The following GABBR2 variants were observed in gnomAD, a reference collection of about 807,000 sequenced individuals.
GABBR2 encodes the protein gamma-aminobutyric acid type B receptor subunit 2, also known as G-protein coupled receptor 51.
In GABBR2, 23 loss-of-function variants were observed where a neutral mutation model predicts 105.6. That is an observed-to-expected ratio of 0.22 (90% CI 0.16 to 0.31). The LOEUF is 0.31. Among genes scored for constraint, GABBR2 ranks in the 10% least tolerant of loss-of-function variants. GABBR2 has a pLI of 1.00. For missense variants in GABBR2, 734 were observed against 1,245.5 expected (o/e 0.59, Z 6.18); for synonymous variants, 478 against 499.7 (o/e 0.96, Z 0.58).
intron 13 of GABBR2, among the ~76,000 whole-genome samples, chr9:98,343,075 C>CAA (rs1831242896): frequency 6.6e-6 from 1 of 152,304 alleles, no homozygotes; most frequent in Admixed American, 6.5e-5. Flanking sequence ...GGCTCAAAGC[C>CAA]AAGTGTAGTT....
At chr9:98,384,952 A>G (rs913570100) in intron 11 of GABBR2, among the ~76,000 whole-genome samples, 2 of 152,230 alleles carry the variant, frequency 1.3e-5, no homozygotes, top group African/African-American at 4.8e-5. Context: ...ACCGTTGAAG[A>G]AAACACCACT....
At chr9:98,435,341 A>C (rs940801700) in intron 7 of GABBR2, among the ~76,000 whole-genome samples, 1 of 152,216 alleles carries the variant, frequency 6.6e-6, no homozygotes, top group African/African-American at 2.4e-5. Context: ...TCAGTTCAAA[A>C]TGGAAAGTAA....
At chr9:98,431,637 C>A (rs1337951609) in intron 7 of GABBR2, among the ~76,000 whole-genome samples, 1 of 151,764 alleles carries the variant, frequency 6.6e-6, no homozygotes, top group Non-Finnish European at 1.5e-5. Flanking sequence ...CCTAAAATGC[C>A]AGGCTATATC....
At chr9:98,469,761 C>T (rs1222697212) in intron 6 of GABBR2, among the ~76,000 whole-genome samples, 1 of 152,180 alleles carries the variant, frequency 6.6e-6, no homozygotes, top group African/African-American at 2.4e-5. Flanking sequence ...ATGTCCCTTC[C>T]CCTCTCTGGC....
chr9:98,349,377 T>C (rs1464561072), intron 13 of GABBR2, among the ~76,000 whole-genome samples: 20 of 123,424 alleles, frequency 1.6e-4, no homozygotes, highest in Non-Finnish European at 2.9e-4. Context: ...TTTTTTTTTT[T>C]TTCGGGACAG....
chr9:98,523,908 C>G (rs1367036199), intron 3 of GABBR2, among the ~76,000 whole-genome samples: 1 of 151,968 alleles, frequency 6.6e-6, no homozygotes, highest in Non-Finnish European at 1.5e-5. Context: ...ATTTCTTTCC[C>G]ACAGAATTTA....
At chr9:98,292,354 C>T (rs7357704) in intron 18 of GABBR2, among the ~76,000 whole-genome samples, 61,038 of 152,084 alleles carry the variant, frequency 0.4, 13,212 homozygotes, top group African/African-American at 0.56. Flanking sequence ...ACTGGGGAAG[C>T]TGGAATTCTT....
chr9:98,665,983 G>C (rs1009261820), intron 1 of GABBR2, among the ~76,000 whole-genome samples: 1 of 152,234 alleles, frequency 6.6e-6, no homozygotes, highest in Admixed American at 6.5e-5. Context: ...CAGCACCACT[G>C]TCTGTCTGGG....
chr9:98,587,791 A>C (rs996814755), intron 1 of GABBR2, among the ~76,000 whole-genome samples: 1 of 152,210 alleles, frequency 6.6e-6, no homozygotes. Context: ...GACATTTTGG[A>C]AACAAATATT....
At chr9:98,365,155 C>T (rs659768) in intron 12 of GABBR2, among the ~76,000 whole-genome samples, 49,973 of 152,052 alleles carry the variant, frequency 0.33, 9,434 homozygotes, top group African/African-American at 0.52. Flanking sequence ...TCTTGTCAAG[C>T]GTGATCTTGA....
chr9:98,674,652 G>T (rs879017486), intron 1 of GABBR2, among the ~76,000 whole-genome samples: 1 of 152,126 alleles, frequency 6.6e-6, no homozygotes, highest in African/African-American at 2.4e-5. Flanking sequence ...CCACACAGGA[G>T]AGTCCATGAC....
chr9:98,697,342 T>G (rs181410066), intron 1 of GABBR2, among the ~76,000 whole-genome samples: 7 of 152,090 alleles, frequency 4.6e-5, no homozygotes, highest in African/African-American at 1.4e-4. Context: ...CTACAAAAAA[T>G]TAGCCGGGCG....
At chr9:98,636,985 C>G (rs1476484602) in intron 1 of GABBR2, among the ~76,000 whole-genome samples, 1 of 152,102 alleles carries the variant, frequency 6.6e-6, no homozygotes, top group African/African-American at 2.4e-5. Flanking sequence ...AGGGGAGGAA[C>G]GTTTGGAAAC....
intron 4 of GABBR2, among the ~76,000 whole-genome samples, chr9:98,493,002 G>T (rs571914891): frequency 6.6e-6 from 1 of 152,286 alleles, no homozygotes; most frequent in Admixed American, 6.5e-5. Context: ...GGAGTGTGAA[G>T]TATCTATGTA....
intron 7 of GABBR2, among the ~76,000 whole-genome samples, chr9:98,453,398 CT>C (rs1826269827): frequency 6.6e-6 from 1 of 152,136 alleles, no homozygotes; most frequent in South Asian, 2.1e-4. Flanking sequence ...CACAATTAAA[CT>C]TGAATGTGGC....
intron 1 of GABBR2, among the ~76,000 whole-genome samples, chr9:98,617,785 C>T (rs1302697544): frequency 6.6e-6 from 1 of 152,170 alleles, no homozygotes; most frequent in East Asian, 1.9e-4. Context: ...ACAGCAGAGA[C>T]AAGTTCACTG....
chr9:98,552,178 C>G (rs1828498608), intron 2 of GABBR2: 1 of 152,136 alleles, frequency 6.6e-6, no homozygotes, highest in African/African-American at 2.4e-5. Context: ...AGCTTCTCTG[C>G]AAAAATAAAC....
chr9:98,689,289 G>C (rs1436176954), intron 1 of GABBR2, among the ~76,000 whole-genome samples: 1 of 152,136 alleles, frequency 6.6e-6, no homozygotes, highest in Non-Finnish European at 1.5e-5. Context: ...CAGCTTACTA[G>C]ACATGTAACT....
intron 13 of GABBR2, among the ~76,000 whole-genome samples, chr9:98,324,236 A>C (rs1830878036): frequency 6.6e-6 from 1 of 152,132 alleles, no homozygotes; most frequent in Non-Finnish European, 1.5e-5. Flanking sequence ...GATGAACTTC[A>C]AGTGTTCCTT....
Sources: allele counts gnomAD v4.1 joint callset (sites outside exome capture counted in the v4.1 genomes callset), GRCh38; gene constraint gnomAD v4.1.1; transcripts MANE v1.5; gene names NCBI Gene and HGNC (gene_info 2026-07-23, HGNC 2026-07-21).